MICAL3: variants seen among roughly 807,000 people sequenced by gnomAD.
MICAL3 encodes [F-actin]-monooxygenase MICAL3.
Under a neutral mutation model 207.4 loss-of-function variants are expected in MICAL3, and 62 were observed. That is an observed-to-expected ratio of 0.30 (90% confidence interval 0.24 to 0.37). MICAL3 has a LOEUF of 0.37. Ranked by LOEUF, MICAL3 falls within the 10% of genes least tolerant of loss-of-function variation. The pLI is 1.00. For missense variants in MICAL3, 2,368 were observed against 2,635.6 expected (o/e 0.90, Z 2.22); for synonymous variants, 1,077 against 1,069.3 (o/e 1.01, Z -0.14).
chr22:17,827,044 G>A (rs1385669730), intron 22 of MICAL3, among the ~76,000 whole-genome samples: 1 of 152,174 alleles, frequency 6.6e-6, no homozygotes, highest in Non-Finnish European at 1.5e-5. Flanking sequence ...AGGAAAGATG[G>A]CACAGCGGCC....
chr22:18,022,207 C>T (rs1404378201), intron 1 of MICAL3, among the ~76,000 whole-genome samples: 4 of 152,060 alleles, frequency 2.6e-5, no homozygotes, highest in Non-Finnish European at 4.4e-5. Flanking sequence ...TTTTGCCGCC[C>T]ACCCCCAGTC....
intron 1 of MICAL3, among the ~76,000 whole-genome samples, chr22:17,927,436 T>C (rs569368387): frequency 9.8e-5 from 15 of 152,344 alleles, no homozygotes; most frequent in Admixed American, 3.3e-4. Context: ...TCCCATACTA[T>C]GTTTCTTCCA....
At chr22:17,884,403 C>T (rs1929698338) in intron 16 of MICAL3, 1 of 1,429,578 alleles carries the variant, frequency 7.0e-7, no homozygotes. Flanking sequence ...GACATGGAGA[C>T]AAAACAAAAT....
At chr22:17,917,866 C>T (rs539288604) in intron 1 of MICAL3, among the ~76,000 whole-genome samples, 1 of 152,368 alleles carries the variant, frequency 6.6e-6, no homozygotes, top group African/African-American at 2.4e-5. Flanking sequence ...CCTGTGGACA[C>T]TGTGTACAAA....
chr22:17,791,288 C>T lies in MICAL3; in HGVS notation c.5664G>A (p.Lys1888=). 1 of 1,613,584 alleles carries T rather than the reference C, an allele frequency of 6.2e-7. No homozygotes were observed. The highest frequency in any genetic ancestry group is 8.5e-7 in the Non-Finnish European group (1 of 1,179,736). The change falls in exon 30 of 32, where the codon AAG becomes AAA. Residue 1888 remains lysine, a synonymous_variant. Coordinates refer to ENST00000441493, the MANE Select transcript of MICAL3 (RefSeq NM_015241.3). ...ALRGEAGMGK[K]DDPKLMQEWF... ...ACTCCTGCATCAGCTTGGGGTCGTC[C>T]TTCTTGCCCATGCCTGCCGAGAGAA...
chr22:17,838,662 G>C (rs1410971161), intron 20 of MICAL3, among the ~76,000 whole-genome samples: 1 of 152,190 alleles, frequency 6.6e-6, no homozygotes, highest in Non-Finnish European at 1.5e-5. Flanking sequence ...TGACTCCAAA[G>C]TCAGGTTCTG....
chr22:17,958,090 G>T (rs944485496), intron 1 of MICAL3, among the ~76,000 whole-genome samples: 53 of 152,216 alleles, frequency 3.5e-4, no homozygotes, highest in African/African-American at 1.3e-3. Context: ...GACCCCAGAT[G>T]ATATAAACCT....
At chr22:17,955,644 T>G (rs1471989400) in intron 1 of MICAL3, among the ~76,000 whole-genome samples, 1 of 152,234 alleles carries the variant, frequency 6.6e-6, no homozygotes, top group East Asian at 1.9e-4. Flanking sequence ...CTCATTTAAT[T>G]CTTACAAATT....
chr22:17,819,154 G>C, intron 25 of MICAL3, 25 bp from the exon 26 acceptor site: 2 of 1,445,068 alleles, frequency 1.4e-6, no homozygotes, highest in Non-Finnish European at 1.8e-6. Context: ...GACAGAAGCC[G>C]CTGAGAAGGT....
intron 21 of MICAL3, 41 bp downstream of exon 21, chr22:17,831,813 G>T: frequency 1.3e-6 from 2 of 1,537,364 alleles, no homozygotes; most frequent in Non-Finnish European, 1.8e-6. Flanking sequence ...AGATCACTTT[G>T]GGGGGCAGGG....
chr22:17,887,616 A>G (rs1930040239), intron 13 of MICAL3, among the ~76,000 whole-genome samples, 181 bp from the exon 14 acceptor site: 1 of 152,228 alleles, frequency 6.6e-6, no homozygotes, highest in South Asian at 2.1e-4. Flanking sequence ...ATACTTGGGT[A>G]TGGACATTGA....
intron 16 of MICAL3, chr22:17,875,616 G>T: frequency 1.0e-6 from 1 of 978,214 alleles, no homozygotes; most frequent in South Asian, 1.5e-5. Context: ...GTCACACACT[G>T]ACCTCTGAAC....
At chr22:17,969,980 G>A (rs548655668) in intron 1 of MICAL3, among the ~76,000 whole-genome samples, 81 of 152,316 alleles carry the variant, frequency 5.3e-4, no homozygotes, top group Non-Finnish European at 9.6e-4. Context: ...GCACTCTGAG[G>A]CCACATAGTC....
rs1489581909 is a variant in MICAL3, at chr22:17,796,895, G to C, written c.5651-5594C>G. On this transcript the variant is annotated intron_variant, in intron 29 of 31. Transcript: ENST00000441493. This position sits in a 1 kb window ranked among gnomAD's most constrained non-coding sequence, Gnocchi z 4.4. ...CTCTCATGGGCCCAAGACCCAGTGT[G>C]GGGTAGAATGGCCAACAGTGTGGGG... 1.3e-5 allele frequency among the ~76,000 whole-genome samples: 2 copies of C among 152,280 alleles called. No individual in the cohort carries two copies. The highest frequency in any genetic ancestry group is 2.9e-5 in the Non-Finnish European group (2 of 68,008).
At position 18,024,411 on chromosome 22, in the gene MICAL3, G is replaced by C. The variant is rs1045916111; in HGVS notation, c.-205C>G. On this transcript the variant is annotated 5_prime_UTR_variant, in exon 1 of 32. Transcript: ENST00000441493. ...ACCCCTGCAGCTGCGATCCCGCCCA[G>C]TTAGCCTCGGGGGCTGCACAGCCCA... is the stretch of plus-strand genomic sequence containing the variant. The C allele has an allele frequency of 3.9e-5, 6 of 152,210 alleles. No individual in the cohort carries two copies. The highest frequency in any genetic ancestry group is 3.9e-4 in the Admixed American group (6 of 15,278). The allele number at this position is 152,210 out of a possible 1,614,324, so 9.4% of individuals were successfully genotyped here. A position where few individuals can be genotyped will look rare whatever the true frequency, so the allele number is the denominator to read the frequency against.
At chr22:17,918,426 C>A (rs1161583016) in intron 1 of MICAL3, among the ~76,000 whole-genome samples, 1 of 152,138 alleles carries the variant, frequency 6.6e-6, no homozygotes, top group Non-Finnish European at 1.5e-5. Flanking sequence ...GACAGAAATT[C>A]AGTGAGAAGA....
chr22:17,903,861 G>C (rs866675394), intron 3 of MICAL3, among the ~76,000 whole-genome samples: 5 of 152,310 alleles, frequency 3.3e-5, no homozygotes, highest in Middle Eastern at 3.4e-3. Flanking sequence ...TCAGAACAAA[G>C]GCTCCTTGAT....
chr22:17,986,868 T>C (rs936024679), intron 1 of MICAL3, among the ~76,000 whole-genome samples: 1 of 152,162 alleles, frequency 6.6e-6, no homozygotes, highest in Non-Finnish European at 1.5e-5. Flanking sequence ...TTTTCTCCCA[T>C]TTATTTCCAA....
rs201037338 is a variant in MICAL3, at chr22:17,817,654, G to A, written c.5007C>T (p.Ser1669=). 1.1e-3 allele frequency: 1,751 copies of A among 1,612,240 alleles called. 16 individuals are homozygous for A. The highest frequency in any genetic ancestry group is 2.9e-4 in the Non-Finnish European group (338 of 1,179,674). ...EEPTLKHEAT[S]EEVLSPPSDS... is the part of the protein sequence containing the mutation. The stretch of plus-strand genomic sequence containing the variant: ...CCGACGGCGGGGAGAGGACCTCCTC[G>A]CTGGTGGCTTCATGCTTCAGGGTGG... The change falls in exon 26 of 32, where the codon AGC becomes AGT. Residue 1669 remains serine, a synonymous_variant. Transcript: ENST00000441493.
Sources: gnomAD v4.1 joint callset for allele counts (sites outside exome capture counted in the v4.1 genomes callset) on GRCh38, gnomAD v4.1.1 for gene constraint, Gnocchi (gnomAD v3.1) non-coding constraint, MANE v1.5 for transcripts, NCBI Gene and HGNC (gene_info 2026-07-23, HGNC 2026-07-21) for gene names.